PTPN13: variants seen among roughly 807,000 people sequenced by gnomAD.
PTPN13 encodes the protein tyrosine-protein phosphatase non-receptor type 13.
Under a neutral mutation model 284.0 loss-of-function variants are expected in PTPN13, and 191 were observed. The ratio of observed to expected loss-of-function variants is 0.67; its 90% CI spans 0.60 to 0.76. The LOEUF is 0.76. Among genes scored for constraint, PTPN13 ranks in the 30% least tolerant of loss-of-function variants. The pLI is 0.00. For missense variants in PTPN13, 2,797 were observed against 2,939.9 expected (o/e 0.95, Z 1.12); for synonymous variants, 986 against 1,022.3 (o/e 0.96, Z 0.68).
chr4:86,618,437 A>C (rs1720837024), intron 1 of PTPN13, among the ~76,000 whole-genome samples: 2 of 152,142 alleles, frequency 1.3e-5, no homozygotes, highest in African/African-American at 4.8e-5. Context: ...TATGAACTTT[A>C]AAGTAGTTTT....
At chr4:86,698,570 T>C (rs2148995382) in intron 6 of PTPN13, among the ~76,000 whole-genome samples, 1 of 152,104 alleles carries the variant, frequency 6.6e-6, no homozygotes, top group South Asian at 2.1e-4. Flanking sequence ...GGATATCTCA[T>C]AAAGGAAGAA....
At chr4:86,618,876 G>T (rs960293932) in intron 1 of PTPN13, among the ~76,000 whole-genome samples, 1 of 152,150 alleles carries the variant, frequency 6.6e-6, no homozygotes, top group East Asian at 1.9e-4. Context: ...TCTGCAAACA[G>T]GGACAATTTG....
rs374224789 is a variant in PTPN13, at chr4:86,619,085, C to T, written c.-5-16167C>T. On this transcript the variant is annotated intron_variant, in intron 1 of 47. Coordinates refer to ENST00000411767, the MANE Select transcript of PTPN13 (RefSeq NM_080683.3). ...TGGGTTTGATACGCAGTTGGACACT[C>T]TCTCACAATGCCAATCAGTGGCAGA... Among the ~76,000 whole-genome samples the T allele has an allele frequency of 3.3e-4, 50 of 152,216 alleles. 1 individual carries two copies. The South Asian group carries it at 7.9e-3, about 24-fold the overall frequency.
chr4:86,764,728 C>A lies in PTPN13; in HGVS notation c.4149+4C>A, dbSNP rs747425060. The A allele has an allele frequency of 6.3e-7, 1 of 1,598,556 alleles. No homozygotes were observed. Among genetic ancestry groups the A allele is most frequent in the Non-Finnish European group, 8.5e-7 (1 of 1,176,320 alleles). ...CAGCTTGGGGATAAGTGTCACGGTA[C>A]TGTTTGACAAGGTTTTCAAATGTTT... On this transcript the variant is annotated splice_donor_region_variant and intron_variant, in intron 25 of 47. Coordinates refer to ENST00000411767, the MANE Select transcript of PTPN13 (RefSeq NM_080683.3).
In PTPN13 at chr4:86,745,090, T is replaced by G. The variant is rs757714961; in HGVS notation, c.2612T>G (p.Met871Arg). 5.0e-6 allele frequency: 8 copies of G among 1,613,198 alleles called. No homozygotes were observed. Among genetic ancestry groups the G allele is most frequent in the South Asian group, 1.1e-5 (1 of 90,782 alleles). ...TACCAGCATAAGTTCCAGCTACAGA[T>G]GAGAGCAAGACAGAGCAACCAAGAT... ...CSYQHKFQLQ[M>R]RARQSNQDAQ... The change falls in exon 17 of 48, where the codon ATG (methionine) becomes AGG (arginine). Residue 871 changes from methionine (M) to arginine (R), a missense_variant. Physicochemically the swap from Met to Arg is moderately conservative, Grantham distance 91. Transcript: ENST00000411767.
chr4:86,654,239 G>A (rs1013593286), intron 2 of PTPN13, among the ~76,000 whole-genome samples: 1 of 152,150 alleles, frequency 6.6e-6, no homozygotes, highest in African/African-American at 2.4e-5. Context: ...CCAGGAGCTG[G>A]TTTTTTGAAA....
intron 7 of PTPN13, among the ~76,000 whole-genome samples, chr4:86,703,618 G>A (rs1466420440): frequency 6.6e-6 from 1 of 152,046 alleles, no homozygotes; most frequent in Non-Finnish European, 1.5e-5. Flanking sequence ...TGTAATCCTA[G>A]CACTTTTGGA....
At chr4:86,683,938 T>G (rs1041970152) in intron 3 of PTPN13, among the ~76,000 whole-genome samples, 42 of 152,142 alleles carry the variant, frequency 2.8e-4, no homozygotes, top group African/African-American at 9.4e-4. Context: ...GTATTTACAC[T>G]TAAGACTATT....
intron 42 of PTPN13, among the ~76,000 whole-genome samples, chr4:86,803,084 G>GTC (rs1392162781): frequency 6.6e-6 from 1 of 151,358 alleles, no homozygotes; most frequent in African/African-American, 2.4e-5. Context: ...GTGTGTGTGT[G>GTC]TGTGTGTGTG....
intron 3 of PTPN13, among the ~76,000 whole-genome samples, chr4:86,686,279 C>G (rs527838809): frequency 9.9e-5 from 15 of 151,784 alleles, no homozygotes; most frequent in South Asian, 2.1e-4. Context: ...GGAGAATTGC[C>G]GGGGGATGGA....
At chr4:86,777,884 G>A (rs1319296271) in intron 35 of PTPN13, among the ~76,000 whole-genome samples, 2 of 152,146 alleles carry the variant, frequency 1.3e-5, no homozygotes, top group Non-Finnish European at 2.9e-5. Flanking sequence ...TAGGAGGGGA[G>A]GGAAGTCTTC....
At chr4:86,681,670 G>C (rs1232798374) in intron 3 of PTPN13, among the ~76,000 whole-genome samples, 6 of 152,222 alleles carry the variant, frequency 3.9e-5, no homozygotes, top group Admixed American at 6.5e-5. Context: ...GCTCACACCT[G>C]TAATTCCAGC....
intron 3 of PTPN13, among the ~76,000 whole-genome samples, chr4:86,677,993 A>G (rs1431046278): frequency 2.6e-5 from 4 of 152,180 alleles, no homozygotes; most frequent in Admixed American, 6.5e-5. Context: ...GGTCTCCCCT[A>G]GAGCACTAGA....
chr4:86,710,289 T>C (rs555464171), intron 7 of PTPN13, among the ~76,000 whole-genome samples: 4 of 152,308 alleles, frequency 2.6e-5, no homozygotes, highest in African/African-American at 9.6e-5. Flanking sequence ...GTCTGTAATT[T>C]GGGTCATGTA....
chr4:86,628,964 C>T (rs913054609), intron 1 of PTPN13, among the ~76,000 whole-genome samples: 3 of 151,674 alleles, frequency 2.0e-5, no homozygotes, highest in South Asian at 4.2e-4. Flanking sequence ...AATAAACATA[C>T]GTGTGCATGT....
At chr4:86,698,000 G>A (rs1406565771) in intron 6 of PTPN13, among the ~76,000 whole-genome samples, 1 of 152,008 alleles carries the variant, frequency 6.6e-6, no homozygotes, top group African/African-American at 2.4e-5. Flanking sequence ...TCTTTTATTT[G>A]TAAATAAAGT....
chr4:86,764,515 A>G, intron 24 of PTPN13, 78 bp from the exon 25 acceptor site: 1 of 1,160,696 alleles, frequency 8.6e-7, no homozygotes, highest in Non-Finnish European at 1.2e-6. Flanking sequence ...AGGTTTAAAA[A>G]AAAAGAAATT....
chr4:86,760,642 A>G (rs960532731), intron 23 of PTPN13, among the ~76,000 whole-genome samples: 1 of 152,210 alleles, frequency 6.6e-6, no homozygotes, highest in Non-Finnish European at 1.5e-5. Context: ...CAAGAGGCCC[A>G]AGGTGCCAAG....
intron 1 of PTPN13, among the ~76,000 whole-genome samples, chr4:86,614,339 A>C (rs780339233): frequency 6.6e-6 from 1 of 152,152 alleles, no homozygotes; most frequent in Non-Finnish European, 1.5e-5. Flanking sequence ...TAATATTGCA[A>C]TTTTATTTGC....
Sources: gnomAD v4.1 joint callset for allele counts (sites outside exome capture counted in the v4.1 genomes callset) on GRCh38, gnomAD v4.1.1 for gene constraint, MANE v1.5 for transcripts, NCBI Gene and HGNC (gene_info 2026-07-23, HGNC 2026-07-21) for gene names.